Variants in MYO3B observed in about 807,000 individuals in gnomAD.
The protein encoded by MYO3B is myosin IIIB.
MYO3B carries 156 observed loss-of-function variants against 174.6 expected under a neutral mutation model. The ratio of observed to expected loss-of-function variants is 0.89; its 90% CI spans 0.78 to 1.02. MYO3B has a LOEUF of 1.02. Among genes scored for constraint, MYO3B ranks in the 50% least tolerant of loss-of-function variants. MYO3B has a pLI of 0.00. For missense variants in MYO3B, 1,632 were observed against 1,639.4 expected, an observed-to-expected ratio of 1.00 and a Z score of 0.08; for synonymous variants, 563 against 569.1, an observed-to-expected ratio of 0.99 and a Z score of 0.15.
At chr2:170,545,014 G>A (rs77502198) in intron 32 of MYO3B, among the ~76,000 whole-genome samples, 2,256 of 152,242 alleles carry the variant, frequency 0.015, 64 homozygotes, top group East Asian at 0.11. Flanking sequence ...CAAACAGACA[G>A]TCTCTGTATT....
At chr2:170,454,256 G>C (rs1207303825) in intron 23 of MYO3B, among the ~76,000 whole-genome samples, 1 of 152,228 alleles carries the variant, frequency 6.6e-6, no homozygotes. Flanking sequence ...GGGAGGGCCA[G>C]CTGAGACCTT....
At chr2:170,595,225 G>T (rs545067028) in intron 32 of MYO3B, among the ~76,000 whole-genome samples, 1 of 152,142 alleles carries the variant, frequency 6.6e-6, no homozygotes, top group East Asian at 1.9e-4. Context: ...CAGGTAGGGG[G>T]TGTTCCAAAA....
chr2:170,392,765 T>G (rs566920017), intron 16 of MYO3B, among the ~76,000 whole-genome samples: 1 of 152,280 alleles, frequency 6.6e-6, no homozygotes, highest in South Asian at 2.1e-4. Context: ...AACATCAAAC[T>G]AGGGGAGCAC....
chr2:170,523,215 A>T (rs908292233), intron 30 of MYO3B, among the ~76,000 whole-genome samples: 5 of 152,236 alleles, frequency 3.3e-5, no homozygotes, highest in African/African-American at 1.2e-4. Flanking sequence ...TAGCTACTCA[A>T]TAAGTTTATT....
intron 30 of MYO3B, chr2:170,519,791 G>A (rs1186734924): frequency 5.9e-6 from 2 of 337,024 alleles, no homozygotes; most frequent in Non-Finnish European, 1.1e-5. Context: ...TGGCCCACAT[G>A]GCAAAACCCC....
intron 25 of MYO3B, among the ~76,000 whole-genome samples, chr2:170,471,927 G>A (rs935524302): frequency 6.6e-6 from 1 of 151,514 alleles, no homozygotes; most frequent in Non-Finnish European, 1.5e-5. Context: ...GAAGGCAGAG[G>A]TTGTGGTGAG....
chr2:170,564,441 C>A (rs771232528), intron 32 of MYO3B, among the ~76,000 whole-genome samples: 1 of 152,110 alleles, frequency 6.6e-6, no homozygotes, highest in Admixed American at 6.5e-5. Flanking sequence ...CCACTGCACT[C>A]CAGCCTGGGC....
intron 28 of MYO3B, among the ~76,000 whole-genome samples, chr2:170,509,861 T>C (rs534056159): frequency 2.0e-5 from 3 of 152,320 alleles, no homozygotes; most frequent in South Asian, 4.1e-4. Context: ...AGTTGGAAGA[T>C]CTTGGTGTAC....
chr2:170,254,462 A>G (rs2093286092), intron 7 of MYO3B, among the ~76,000 whole-genome samples: 1 of 152,162 alleles, frequency 6.6e-6, no homozygotes, highest in Non-Finnish European at 1.5e-5. Context: ...GCATGCTCCC[A>G]GTGTCTGCTG....
At chr2:170,597,990 C>T (rs1215364395) in intron 32 of MYO3B, among the ~76,000 whole-genome samples, 2 of 152,124 alleles carry the variant, frequency 1.3e-5, no homozygotes, top group Non-Finnish European at 2.9e-5. Context: ...CATTTGGGGA[C>T]AGCTAAAATG....
At chr2:170,201,196 A>G (rs1057470734) in intron 3 of MYO3B, among the ~76,000 whole-genome samples, 2 of 152,242 alleles carry the variant, frequency 1.3e-5, no homozygotes, top group Non-Finnish European at 2.9e-5. Context: ...CCGAACAAAT[A>G]CGATTCCCTA....
rs142273690 is a variant in MYO3B, at chr2:170,570,228, C to T, written c.3733+26240C>T. Among the ~76,000 whole-genome samples the T allele has an allele frequency of 8.5e-4, 129 of 152,282 alleles. 2 individuals are homozygous for T. In the East Asian group the frequency reaches 0.016, roughly 18 times the overall value. On this transcript the variant is annotated intron_variant, in intron 32 of 34. Transcript: ENST00000408978. ...TTTTCCAACTTAGAGAGAAAACCAA[C>T]TTTGCCCATCTGCTGTAACAAGACT...
chr2:170,300,119 A>G (rs923623669), intron 7 of MYO3B, among the ~76,000 whole-genome samples: 1 of 152,246 alleles, frequency 6.6e-6, no homozygotes, highest in African/African-American at 2.4e-5. Flanking sequence ...AGAGATGCTC[A>G]GTATTCTGGC....
chr2:170,411,020 G>GA (rs774774912), intron 22 of MYO3B, among the ~76,000 whole-genome samples: 7 of 151,344 alleles, frequency 4.6e-5, no homozygotes, highest in African/African-American at 7.3e-5. Context: ...CCCCATCTCT[G>GA]AAAAAAAATT....
chr2:170,357,099 A>G lies in MYO3B; in HGVS notation c.816-12123A>G, dbSNP rs556988408. Among the ~76,000 whole-genome samples the G allele has an allele frequency of 6.4e-4, 97 of 152,182 alleles. 2 individuals are homozygous for G. In the South Asian group the frequency reaches 0.02, roughly 31 times the overall value. The stretch of plus-strand genomic sequence containing the variant: ...ACTGGGCCTGGCCTAGTCTGTTTTT[A>G]TATCATGGATTTTAAGAAATATAGA... On this transcript the variant is annotated intron_variant, in intron 8 of 34. Coordinates refer to ENST00000408978, the MANE Select transcript of MYO3B (RefSeq NM_138995.5).
intron 7 of MYO3B, among the ~76,000 whole-genome samples, chr2:170,240,279 G>T (rs1239668568): frequency 6.6e-6 from 1 of 152,102 alleles, no homozygotes; most frequent in East Asian, 1.9e-4. Flanking sequence ...TAATTTGCGG[G>T]CAAGATACAA....
At chr2:170,370,624 TACAC>T (rs55790344) in intron 9 of MYO3B, among the ~76,000 whole-genome samples, 18,205 of 128,952 alleles carry the variant, frequency 0.14, 1,613 homozygotes, top group East Asian at 0.25. Context: ...ACCACCCACC[TACAC>T]ACACACACAC....
In MYO3B at chr2:170,653,477, G is replaced by T. The variant is rs143950053; in HGVS notation, c.*356G>T. On this transcript the variant is annotated 3_prime_UTR_variant, in exon 35 of 35. Coordinates refer to ENST00000408978, the MANE Select transcript of MYO3B (RefSeq NM_138995.5). Reference sequence around the variant, plus strand: ...ATCATGGACCCTGATAATATTGCTTGATTTTTCCTATCAAGTTACTTTTCA... The same window carrying T: ...ATCATGGACCCTGATAATATTGCTTTATTTTTCCTATCAAGTTACTTTTCA... The T allele has an allele frequency of 4.9e-6, 1 of 202,236 alleles. No individual in the cohort carries two copies. Among genetic ancestry groups the T allele is most frequent in the Non-Finnish European group, 1.0e-5 (1 of 99,926 alleles). 12.5% of individuals were successfully genotyped at this position (202,236 alleles called of 1,614,324 possible). A position where few individuals can be genotyped will look rare whatever the true frequency, so the allele number is the denominator to read the frequency against.
chr2:170,230,910 C>G (rs955253335), intron 6 of MYO3B, among the ~76,000 whole-genome samples: 4 of 152,166 alleles, frequency 2.6e-5, no homozygotes, highest in African/African-American at 9.7e-5. Context: ...TTGTCAAAGT[C>G]ACCCAGTGAG....
Sources: gnomAD v4.1 joint callset for allele counts (sites outside exome capture counted in the v4.1 genomes callset) on GRCh38, gnomAD v4.1.1 for gene constraint, MANE v1.5 for transcripts, NCBI Gene and HGNC (gene_info 2026-07-23, HGNC 2026-07-21) for gene names.